The following KLHL6 variants were observed in gnomAD, a reference collection of about 807,000 sequenced individuals.
KLHL6 encodes the protein kelch like family member 6.
In KLHL6, 41 loss-of-function variants were observed where a neutral mutation model predicts 58.6. That is an observed-to-expected ratio of 0.70 (90% CI 0.55 to 0.91). The LOEUF is 0.91. Among genes scored for constraint, KLHL6 ranks in the 40% least tolerant of loss-of-function variants. The pLI, the probability that KLHL6 is intolerant of heterozygous loss-of-function variation, is 0.00. For synonymous variants in KLHL6, 338 were observed against 322.7 expected, an observed-to-expected ratio of 1.05 and a Z score of -0.51; for missense variants, 714 against 805.6, an observed-to-expected ratio of 0.89 and a Z score of 1.38.
At chr3:183,517,571 G>A (rs1369620436) in intron 2 of KLHL6, among the ~76,000 whole-genome samples, 1 of 152,198 alleles carries the variant, frequency 6.6e-6, no homozygotes, top group Non-Finnish European at 1.5e-5. Context: ...TGCTCACTAA[G>A]GCAGGGCAGG....
At chr3:183,497,261 A>G (rs545389132) in intron 4 of KLHL6, among the ~76,000 whole-genome samples, 12 of 152,272 alleles carry the variant, frequency 7.9e-5, no homozygotes, top group Admixed American at 7.2e-4. Context: ...AAAATACAAA[A>G]ATTGGCCAGG....
Position 183,494,044 on chromosome 3 carries a change from T to C in KLHL6, c.1350+35A>G. The C allele has an allele frequency of 3.8e-6, 6 of 1,572,832 alleles. No homozygotes were observed. The Admixed American group carries it at 6.7e-5, about 17-fold the overall frequency. On this transcript the variant is annotated intron_variant, in intron 5 of 6. Transcript: ENST00000341319. ...TTTTAAAAAAGCACTGAAGTAATAATACAGGCAGTTACTGGTAGAAATCGT... is the reference window on the plus strand; with the variant it reads ...TTTTAAAAAAGCACTGAAGTAATAACACAGGCAGTTACTGGTAGAAATCGT...
At chr3:183,518,643 G>T (rs1406190880) in intron 2 of KLHL6, among the ~76,000 whole-genome samples, 1 of 152,182 alleles carries the variant, frequency 6.6e-6, no homozygotes, top group Non-Finnish European at 1.5e-5. Flanking sequence ...GGCAAAAGAA[G>T]ATAATTCTTG....
intron 1 of KLHL6, among the ~76,000 whole-genome samples, chr3:183,538,211 T>C (rs548938168): frequency 1.1e-4 from 16 of 152,330 alleles, no homozygotes; most frequent in Middle Eastern, 6.8e-3. Context: ...TACAAGCTCC[T>C]GTAGTTCCTA....
At chr3:183,500,223 C>A (rs748572836) in intron 3 of KLHL6, among the ~76,000 whole-genome samples, 24 of 152,158 alleles carry the variant, frequency 1.6e-4, no homozygotes, top group Non-Finnish European at 3.4e-4. Context: ...TCCATTCCCC[C>A]TTGGCTTTAA....
rs900030716 is a variant in KLHL6, at chr3:183,524,419, T to C, written c.459+3426A>G. Among the ~76,000 whole-genome samples, 4 of 152,240 alleles carry C rather than the reference T, an allele frequency of 2.6e-5. No individual in the cohort carries two copies. In the South Asian group the frequency reaches 8.3e-4, roughly 31 times the overall value. On this transcript the variant is annotated intron_variant, in intron 2 of 6. Coordinates refer to ENST00000341319, the MANE Select transcript of KLHL6 (RefSeq NM_130446.4). ...GGGGAAAATGTGTTTCTCCTCATGA[T>C]TGGCCAATGCATTACGGCCAGATGA...
intron 2 of KLHL6, among the ~76,000 whole-genome samples, chr3:183,525,832 T>C (rs1325222879): frequency 2.0e-5 from 3 of 152,182 alleles, no homozygotes; most frequent in African/African-American, 7.2e-5. Context: ...CGAAACAGGA[T>C]GTATAGTGTG....
chr3:183,490,402 T>C lies in KLHL6; in HGVS notation c.*1525A>G, dbSNP rs969248194. ...AGTCTCTAGAGACATCTTGTCTATA[T>C]TGCAGTACAACTGGTGAACACTAAG... On this transcript the variant is annotated 3_prime_UTR_variant, in exon 7 of 7. Coordinates refer to ENST00000341319, the MANE Select transcript of KLHL6 (RefSeq NM_130446.4). The C allele has an allele frequency of 2.0e-5, 3 of 152,098 alleles. No individual in the cohort carries two copies. Among genetic ancestry groups the C allele is most frequent in the Non-Finnish European group, 4.4e-5 (3 of 68,028 alleles). 9.4% of individuals were successfully genotyped at this position (152,098 alleles called of 1,614,324 possible).
At position 183,491,637 on chromosome 3, in the gene KLHL6, C is replaced by T. The variant is rs1717556188; in HGVS notation, c.*290G>A. The T allele has an allele frequency of 3.2e-6, 1 of 315,360 alleles. No homozygotes were observed. The highest frequency in any genetic ancestry group is 2.1e-5 in the African/African-American group (1 of 46,950). 19.5% of individuals were successfully genotyped at this position (315,360 alleles called of 1,614,324 possible). Reference sequence around the variant, plus strand: ...GAGCCAGTCACCAGGTTAAATGAACCGATAAAAGGAAGTGCCTGGCACAGA... The same window carrying T: ...GAGCCAGTCACCAGGTTAAATGAACTGATAAAAGGAAGTGCCTGGCACAGA... On this transcript the variant is annotated 3_prime_UTR_variant, in exon 7 of 7. Coordinates refer to ENST00000341319, the MANE Select transcript of KLHL6 (RefSeq NM_130446.4).
intron 1 of KLHL6, among the ~76,000 whole-genome samples, chr3:183,546,312 G>T (rs1297620128): frequency 6.6e-6 from 1 of 152,130 alleles, no homozygotes; most frequent in South Asian, 2.1e-4. Flanking sequence ...TGCATATATT[G>T]CAGGCCTAGC....
intron 2 of KLHL6, among the ~76,000 whole-genome samples, chr3:183,517,905 GGA>G (rs1307271479): frequency 2.0e-5 from 3 of 152,188 alleles, no homozygotes; most frequent in African/African-American, 7.2e-5. Context: ...GTAGGGCACA[GGA>G]GCAGGAATGG....
At chr3:183,529,366 A>G (rs1423208321) in intron 1 of KLHL6, among the ~76,000 whole-genome samples, 1 of 152,084 alleles carries the variant, frequency 6.6e-6, no homozygotes, top group Admixed American at 6.6e-5. Context: ...TGCCAAGCCC[A>G]TAAGAATTTA....
intron 2 of KLHL6, among the ~76,000 whole-genome samples, chr3:183,517,244 C>T (rs1290579547): frequency 6.6e-6 from 1 of 152,200 alleles, no homozygotes; most frequent in East Asian, 1.9e-4. Flanking sequence ...AACTTTTCTT[C>T]TCCAGCAATA....
chr3:183,521,000 A>C (rs1430755842), intron 2 of KLHL6: 1 of 152,022 alleles, frequency 6.6e-6, no homozygotes, highest in Non-Finnish European at 1.5e-5. Context: ...CTCAGTCGGG[A>C]GAAACCTTGG....
intron 1 of KLHL6, among the ~76,000 whole-genome samples, chr3:183,532,705 C>A (rs1422272860): frequency 6.6e-6 from 1 of 152,194 alleles, no homozygotes; most frequent in Non-Finnish European, 1.5e-5. Flanking sequence ...TCAGTTGAAG[C>A]TCAGGGGACA....
chr3:183,497,546 G>A (rs567931633), intron 4 of KLHL6, among the ~76,000 whole-genome samples: 1 of 152,362 alleles, frequency 6.6e-6, no homozygotes, highest in African/African-American at 2.4e-5. Context: ...GGGGTGAGGG[G>A]AGGGTAAGGG....
At chr3:183,513,044 A>G (rs1718233608) in intron 2 of KLHL6, among the ~76,000 whole-genome samples, 1 of 152,196 alleles carries the variant, frequency 6.6e-6, no homozygotes, top group Non-Finnish European at 1.5e-5. Flanking sequence ...TTATAGATAA[A>G]GTTATTAATT....
intron 2 of KLHL6, among the ~76,000 whole-genome samples, chr3:183,525,074 A>G (rs1156680717): frequency 4.6e-5 from 7 of 151,758 alleles, no homozygotes; most frequent in African/African-American, 1.7e-4. Context: ...GACCAGCCTG[A>G]CCAACATGGT....
At chr3:183,494,345 A>G (rs905638164) in intron 4 of KLHL6, 64 bp from the exon 5 acceptor site, 13 of 1,378,440 alleles carry the variant, frequency 9.4e-6, no homozygotes, top group East Asian at 2.3e-5. Flanking sequence ...TTCTCCCATA[A>G]TATCCCACAT....
Sources: gnomAD v4.1 joint callset for allele counts (sites outside exome capture counted in the v4.1 genomes callset) on GRCh38, gnomAD v4.1.1 for gene constraint, MANE v1.5 for transcripts, NCBI Gene and HGNC (gene_info 2026-07-23, HGNC 2026-07-21) for gene names.